Variants in MYO9A observed in about 807,000 individuals in gnomAD.
MYO9A encodes the protein myosin IXA, also known as unconventional myosin-IXa.
In MYO9A, 103 loss-of-function variants were observed where a neutral mutation model predicts 293.3. That is an observed-to-expected ratio of 0.35 (90% CI 0.30 to 0.41). The LOEUF is 0.41. Among genes scored for constraint, MYO9A ranks in the 10% least tolerant of loss-of-function variants. MYO9A has a pLI of 1.00. For synonymous variants in MYO9A, 1,001 were observed against 1,035.7 expected (o/e 0.97, Z 0.64); for missense variants, 2,685 against 3,033.0 (o/e 0.89, Z 2.69).
At chr15:72,116,587 G>A (rs1195332356) in intron 1 of MYO9A, among the ~76,000 whole-genome samples, 1 of 152,148 alleles carries the variant, frequency 6.6e-6, no homozygotes, top group Admixed American at 6.5e-5. Flanking sequence ...ATTAAGGAAT[G>A]CTACAAATCT....
At chr15:71,896,539 G>A (rs1432746855) in intron 25 of MYO9A, among the ~76,000 whole-genome samples, 2 of 152,068 alleles carry the variant, frequency 1.3e-5, no homozygotes, top group African/African-American at 2.4e-5. Flanking sequence ...CAGCAATTTG[G>A]GGGGCAGAGG....
intron 17 of MYO9A, among the ~76,000 whole-genome samples, chr15:71,934,786 CTTTTTTTTTTTTTTTT>C (rs1167613386): frequency 1.6e-5 from 1 of 61,792 alleles, no homozygotes; most frequent in African/African-American, 6.6e-5. Context: ...CTTTTCTTTT[CTTTTTTTTTTTTTTTT>C]TTTTTTTTTG....
chr15:72,059,452 A>T (rs1468000912), intron 1 of MYO9A, among the ~76,000 whole-genome samples: 1 of 152,220 alleles, frequency 6.6e-6, no homozygotes, highest in African/African-American at 2.4e-5. Flanking sequence ...AAATCTGCAC[A>T]ATTCAGTTTC....
At chr15:71,988,681 G>A (rs955300241) in intron 11 of MYO9A, among the ~76,000 whole-genome samples, 2 of 151,978 alleles carry the variant, frequency 1.3e-5, no homozygotes, top group African/African-American at 2.4e-5. Flanking sequence ...CCTCTTTTCT[G>A]TAGACCTGCT....
In MYO9A at chr15:71,825,995, G is replaced by GTTTTGTTTTTTTTTTTTTTTT. The variant is rs1567169896; in HGVS notation, c.*584_*585insAAAAAAAAAAAAAAAACAAAA. 2.2e-5 allele frequency: 2 copies of GTTTTGTTTTTTTTTTTTTTTT among 91,526 alleles called. No homozygotes were observed. Among genetic ancestry groups the GTTTTGTTTTTTTTTTTTTTTT allele is most frequent in the Non-Finnish European group, 2.2e-5 (1 of 44,770 alleles). The allele number at this position is 91,526 out of a possible 1,614,324, so 5.7% of individuals were successfully genotyped here. A position where few individuals can be genotyped will look rare whatever the true frequency, so the allele number is the denominator to read the frequency against. On this transcript the variant is annotated 3_prime_UTR_variant, in exon 42 of 42. Coordinates refer to ENST00000356056, the MANE Select transcript of MYO9A (RefSeq NM_006901.4). ...ATGGAAACAATCACGGTTTTTTTTT[G>GTTTTGTTTTTTTTTTTTTTTT]TTTTTTTTTTTTTGTTTTTTTTTTT...
chr15:72,103,637 A>G (rs2080469327), intron 1 of MYO9A, among the ~76,000 whole-genome samples: 3 of 13,640 alleles, frequency 2.2e-4, no homozygotes, highest in South Asian at 0.022. Context: ...AGAAGAAGAA[A>G]CAGAAGAAGC....
At chr15:71,873,601 G>A (rs909754949) in intron 32 of MYO9A, among the ~76,000 whole-genome samples, 58 of 151,786 alleles carry the variant, frequency 3.8e-4, no homozygotes, top group Non-Finnish European at 2.9e-5. Context: ...CCAAACTCTA[G>A]GTAACTAATT....
intron 41 of MYO9A, among the ~76,000 whole-genome samples, 195 bp downstream of exon 41, chr15:71,827,688 TC>T (rs2054563665): frequency 6.6e-6 from 1 of 152,132 alleles, no homozygotes; most frequent in South Asian, 2.1e-4. Context: ...ATATTTCTTA[TC>T]CCCATCCAGG....
chr15:71,935,917 C>CACAT (rs2058629039), intron 16 of MYO9A, among the ~76,000 whole-genome samples: 1 of 151,530 alleles, frequency 6.6e-6, no homozygotes, highest in South Asian at 2.1e-4. Flanking sequence ...CACACACACA[C>CACAT]ACACACACAC....
At position 72,037,261 on chromosome 15, in the gene MYO9A, CAAAAAAAAA is replaced by C. The variant is rs61042231; in HGVS notation, c.841-4682_841-4674del. ...TTAAGGTGGCAATAACAGAATGGGG[CAAAAAAAAA>C]AAAAAAAAAAAACACCAAACAACTT... On this transcript the variant is annotated intron_variant, in intron 2 of 41. Coordinates refer to ENST00000356056, the MANE Select transcript of MYO9A (RefSeq NM_006901.4). Among the ~76,000 whole-genome samples the C allele has an allele frequency of 4.0e-5, 3 of 74,284 alleles. No individual in the cohort carries two copies. The East Asian group carries it at 1.1e-3, about 27-fold the overall frequency. The allele number at this position is 74,284 out of a possible 152,430, so 48.7% of individuals were successfully genotyped here.
intron 34 of MYO9A, 34 bp downstream of exon 34, chr15:71,859,701 T>G: frequency 6.4e-7 from 1 of 1,556,856 alleles, no homozygotes; most frequent in South Asian, 1.1e-5. Context: ...CCAACAGGTC[T>G]GTTATCTATT....
intron 16 of MYO9A, among the ~76,000 whole-genome samples, chr15:71,936,937 G>GA (rs918074881): frequency 1.4e-3 from 146 of 102,758 alleles, no homozygotes; most frequent in Middle Eastern, 5.7e-3. Context: ...TCTGGCTTTA[G>GA]AAAAAAAAAA....
At chr15:72,084,504 T>C (rs2079652258) in intron 1 of MYO9A, among the ~76,000 whole-genome samples, 1 of 152,182 alleles carries the variant, frequency 6.6e-6, no homozygotes, top group South Asian at 2.1e-4. Flanking sequence ...GTGGATTTGA[T>C]ACTGACATCA....
intron 1 of MYO9A, among the ~76,000 whole-genome samples, chr15:72,086,866 C>T (rs903756551): frequency 2.6e-5 from 4 of 152,076 alleles, no homozygotes; most frequent in Non-Finnish European, 4.4e-5. Flanking sequence ...CTCCCAGGTT[C>T]AAGCGATTCT....
chr15:71,839,099 T>G (rs1484828193), intron 39 of MYO9A, among the ~76,000 whole-genome samples: 1 of 152,206 alleles, frequency 6.6e-6, no homozygotes, highest in Non-Finnish European at 1.5e-5. Flanking sequence ...TGCTCCCCTT[T>G]TCCCTTTTTA....
chr15:71,839,876 A>G (rs1009918656), intron 39 of MYO9A, among the ~76,000 whole-genome samples: 1 of 152,178 alleles, frequency 6.6e-6, no homozygotes, highest in Non-Finnish European at 1.5e-5. Flanking sequence ...GAATTTTAGT[A>G]TCAACTTGTA....
At chr15:72,021,681 T>A (rs971398489) in intron 4 of MYO9A, among the ~76,000 whole-genome samples, 11 of 152,102 alleles carry the variant, frequency 7.2e-5, no homozygotes, top group Non-Finnish European at 1.2e-4. Flanking sequence ...ACAGCCTACT[T>A]CCTAAAGCAG....
At chr15:71,914,371 T>C (rs1345655087) in intron 19 of MYO9A, among the ~76,000 whole-genome samples, 1 of 152,204 alleles carries the variant, frequency 6.6e-6, no homozygotes, top group Non-Finnish European at 1.5e-5. Context: ...GCAATTCCTA[T>C]ACCAATTAAT....
At chr15:72,091,472 G>A in intron 1 of MYO9A, among the ~76,000 whole-genome samples, 1 of 151,860 alleles carries the variant, frequency 6.6e-6, no homozygotes, top group East Asian at 1.9e-4. Context: ...GTCATATATG[G>A]GAAAGAATAC....
Sources: gnomAD v4.1 joint callset for allele counts (sites outside exome capture counted in the v4.1 genomes callset) on GRCh38, gnomAD v4.1.1 for gene constraint, MANE v1.5 for transcripts, NCBI Gene and HGNC (gene_info 2026-07-23, HGNC 2026-07-21) for gene names.